Variants in CSMD2 observed in about 807,000 individuals in gnomAD.
CSMD2 encodes CUB and sushi domain-containing protein 2.
A neutral mutation model predicts 398.5 loss-of-function variants in CSMD2; 130 were observed. The ratio of observed to expected loss-of-function variants is 0.33; its 90% CI spans 0.28 to 0.38. The LOEUF (loss-of-function observed/expected upper bound fraction) is 0.38, where lower values mean the gene tolerates loss of function less well. CSMD2 is among the 10% of genes least tolerant of loss of function. The pLI is 1.00. For missense variants in CSMD2, 3,829 were observed against 4,764.9 expected, an observed-to-expected ratio of 0.80 and a Z score of 5.78; for synonymous variants, 1,828 against 1,908.5, an observed-to-expected ratio of 0.96 and a Z score of 1.10.
chr1:34,017,951 G>A (rs1406528957), intron 3 of CSMD2, among the ~76,000 whole-genome samples: 10 of 152,120 alleles, frequency 6.6e-5, no homozygotes, highest in Admixed American at 6.5e-5. Flanking sequence ...ATGTTGGTTT[G>A]AGTGTTAGTT....
intron 41 of CSMD2, among the ~76,000 whole-genome samples, chr1:33,607,929 C>T (rs1464753636): frequency 1.3e-5 from 2 of 152,324 alleles, no homozygotes; most frequent in African/African-American, 2.4e-5. Flanking sequence ...GAAGGCAACT[C>T]GCTGCCCCCT....
At chr1:33,598,470 C>A (rs990246508) in intron 44 of CSMD2, among the ~76,000 whole-genome samples, 2 of 152,056 alleles carry the variant, frequency 1.3e-5, no homozygotes, top group African/African-American at 4.8e-5. Context: ...TCCATTCAGG[C>A]TGCTGTAACA....
intron 13 of CSMD2, among the ~76,000 whole-genome samples, chr1:33,765,514 A>G (rs1399447232): frequency 6.6e-6 from 1 of 152,230 alleles, no homozygotes. Context: ...AAACTGCATA[A>G]TAGTTTGGAC....
intron 13 of CSMD2, among the ~76,000 whole-genome samples, chr1:33,745,195 T>C (rs1452428600): frequency 2.0e-5 from 3 of 152,214 alleles, no homozygotes; most frequent in African/African-American, 7.2e-5. Context: ...ATTATATGCA[T>C]GCTTTTGATT....
intron 13 of CSMD2, among the ~76,000 whole-genome samples, chr1:33,764,090 C>T (rs377149794): frequency 6.6e-6 from 1 of 152,082 alleles, no homozygotes; most frequent in African/African-American, 2.4e-5. Flanking sequence ...ATCTTCCTTC[C>T]CCCATAAAGT....
Position 33,719,320 on chromosome 1 carries a change from T to C in CSMD2, c.3002-2819A>G, listed in dbSNP as rs147363686. 5.2e-3 allele frequency among the ~76,000 whole-genome samples: 787 copies of C among 152,298 alleles called. 6 individuals are homozygous for C. Among genetic ancestry groups the C allele is most frequent in the African/African-American group, 0.018 (756 of 41,558 alleles). On this transcript the variant is annotated intron_variant, in intron 19 of 70. Coordinates refer to ENST00000373381, the MANE Select transcript of CSMD2 (RefSeq NM_001281956.2). Reference sequence around the variant, plus strand: ...GACCCAGTCACAGGTGGAAACAAGTTGATTAAGCATCGCGCTTTGCACTCT... The same window carrying C: ...GACCCAGTCACAGGTGGAAACAAGTCGATTAAGCATCGCGCTTTGCACTCT...
At chr1:34,102,463 A>G (rs926279444) in intron 1 of CSMD2, among the ~76,000 whole-genome samples, 1 of 152,198 alleles carries the variant, frequency 6.6e-6, no homozygotes, top group Non-Finnish European at 1.5e-5. Flanking sequence ...ATAAAAGCCA[A>G]AGTCCTCACC....
chr1:34,001,126 C>A (rs1646889304), intron 3 of CSMD2, among the ~76,000 whole-genome samples: 1 of 152,012 alleles, frequency 6.6e-6, no homozygotes, highest in Non-Finnish European at 1.5e-5. Flanking sequence ...AACTCATGAA[C>A]TTGGCAAGCA....
intron 1 of CSMD2, among the ~76,000 whole-genome samples, chr1:34,111,745 T>C (rs1571157449): frequency 6.6e-6 from 1 of 152,042 alleles, no homozygotes; most frequent in African/African-American, 2.4e-5. Context: ...GATCTTAAAA[T>C]ATAGGCTCTA....
intron 3 of CSMD2, among the ~76,000 whole-genome samples, chr1:33,984,720 CT>C (rs1646290944): frequency 6.6e-6 from 1 of 151,992 alleles, no homozygotes. Context: ...AAGTTGAAGG[CT>C]GCAGTGAGCT....
chr1:34,103,231 A>C (rs1321573076), intron 1 of CSMD2, among the ~76,000 whole-genome samples: 1 of 150,716 alleles, frequency 6.6e-6, no homozygotes, highest in Non-Finnish European at 1.5e-5. Context: ...CATTGCCTTC[A>C]TCAATGGTGA....
chr1:34,116,390 A>G (rs705216), intron 1 of CSMD2, among the ~76,000 whole-genome samples: 59,401 of 151,806 alleles, frequency 0.39, 12,257 homozygotes, highest in East Asian at 0.69. Context: ...AACTGTCACA[A>G]GAGACAAAGA....
intron 2 of CSMD2, among the ~76,000 whole-genome samples, chr1:34,078,738 A>G (rs1656712929): frequency 1.3e-5 from 2 of 152,216 alleles, no homozygotes; most frequent in African/African-American, 4.8e-5. Flanking sequence ...TACCTGCTCT[A>G]TCTACCAGAC....
chr1:34,065,583 T>C (rs1655023186), intron 2 of CSMD2, among the ~76,000 whole-genome samples: 1 of 152,222 alleles, frequency 6.6e-6, no homozygotes, highest in South Asian at 2.1e-4. Context: ...TACTAGCTGC[T>C]TGAGCTTGAG....
chr1:33,997,213 G>T (rs1413691575), intron 3 of CSMD2, among the ~76,000 whole-genome samples: 1 of 152,194 alleles, frequency 6.6e-6, no homozygotes, highest in Non-Finnish European at 1.5e-5. Flanking sequence ...GGGCCCAACA[G>T]GAAGGACTTG....
chr1:33,559,560 C>T lies in CSMD2; in HGVS notation c.8381-87G>A. 8.1e-7 allele frequency: 1 copy of T among 1,230,502 alleles called. No individual in the cohort carries two copies. The highest frequency in any genetic ancestry group is 1.1e-6 in the Non-Finnish European group (1 of 882,996). 76.2% of individuals were successfully genotyped at this position (1,230,502 alleles called of 1,614,324 possible). A position where few individuals can be genotyped will look rare whatever the true frequency, so the allele number is the denominator to read the frequency against. ...CACCTCTCACCTGGCATCTCTTAGG[C>T]CATCAGTGAAGTTCAGCCCTAAGTC... On this transcript the variant is annotated intron_variant, in intron 53 of 70. Transcript: ENST00000373381. This position sits in a 1 kb window ranked among gnomAD's most constrained non-coding sequence, Gnocchi z 4.0.
At chr1:33,942,069 TAC>T (rs1644693137) in intron 3 of CSMD2, among the ~76,000 whole-genome samples, 2 of 152,170 alleles carry the variant, frequency 1.3e-5, no homozygotes, top group African/African-American at 4.8e-5. Flanking sequence ...CATAAAAGCT[TAC>T]TGAGAGACTT....
chr1:34,076,188 A>T (rs141822863), intron 2 of CSMD2, among the ~76,000 whole-genome samples: 223 of 152,334 alleles, frequency 1.5e-3, no homozygotes, highest in African/African-American at 5.1e-3. Context: ...GCACCTTCTC[A>T]TCAATGATGC....
chr1:34,154,072 A>G (rs543681525), intron 1 of CSMD2, among the ~76,000 whole-genome samples: 1 of 152,350 alleles, frequency 6.6e-6, no homozygotes, highest in East Asian at 1.9e-4. Flanking sequence ...CCAATTTTTA[A>G]ATGGGCAAAG....
Sources: allele counts gnomAD v4.1 joint callset (sites outside exome capture counted in the v4.1 genomes callset), GRCh38; gene constraint gnomAD v4.1.1; non-coding constraint Gnocchi (gnomAD v3.1); transcripts MANE v1.5; gene names NCBI Gene and HGNC (gene_info 2026-07-23, HGNC 2026-07-21).